Variants in DSCAM observed in about 807,000 individuals in gnomAD.
The protein encoded by DSCAM is cell adhesion molecule DSCAM.
In DSCAM, 47 loss-of-function variants were observed where a neutral mutation model predicts 217.7. The ratio of observed to expected loss-of-function variants is 0.22; its 90% CI spans 0.17 to 0.28. The LOEUF is 0.28. Among genes scored for constraint, DSCAM ranks in the 10% least tolerant of loss-of-function variants. DSCAM has a pLI of 1.00. For synonymous variants in DSCAM, 1,056 were observed against 1,015.3 expected (o/e 1.04, Z -0.76); for missense variants, 2,080 against 2,618.3 (o/e 0.79, Z 4.49).
chr21:40,048,345 C>G (rs1021377972), intron 30 of DSCAM, among the ~76,000 whole-genome samples: 20 of 128,224 alleles, frequency 1.6e-4, no homozygotes, highest in African/African-American at 5.9e-4. Context: ...CACTACATGC[C>G]TGTGTCAGAC....
At chr21:40,018,479 A>G (rs188011712) in intron 32 of DSCAM, among the ~76,000 whole-genome samples, 4 of 152,232 alleles carry the variant, frequency 2.6e-5, no homozygotes, top group Admixed American at 2.6e-4. Flanking sequence ...TCTTTCTGAG[A>G]CCCGACTCAA....
chr21:40,507,017 G>C (rs78007511), intron 3 of DSCAM, among the ~76,000 whole-genome samples: 5 of 152,186 alleles, frequency 3.3e-5, no homozygotes, highest in Non-Finnish European at 5.9e-5. Flanking sequence ...AGCGGCTCAC[G>C]CCTGTAATCC....
At chr21:40,362,691 C>G (rs371647565) in intron 4 of DSCAM, among the ~76,000 whole-genome samples, 1 of 152,216 alleles carries the variant, frequency 6.6e-6, no homozygotes, top group East Asian at 1.9e-4. Context: ...ATAGGAAAGA[C>G]AATACATTTA....
At chr21:40,097,492 C>T (rs1003894520) in intron 20 of DSCAM, among the ~76,000 whole-genome samples, 1 of 152,084 alleles carries the variant, frequency 6.6e-6, no homozygotes, top group Non-Finnish European at 1.5e-5. Flanking sequence ...AGTAGCACAA[C>T]AGCAGCAGAA....
intron 3 of DSCAM, among the ~76,000 whole-genome samples, chr21:40,506,309 T>G (rs1418850009): frequency 6.6e-6 from 1 of 152,164 alleles, no homozygotes; most frequent in Non-Finnish European, 1.5e-5. Context: ...AATCTTCAAT[T>G]TGAAAGGTTA....
chr21:40,347,575 G>A, intron 6 of DSCAM, 95 bp downstream of exon 6: 3 of 1,529,680 alleles, frequency 2.0e-6, no homozygotes, highest in Non-Finnish European at 2.7e-6. Context: ...GCCTAGAACT[G>A]AGCGATCAGC....
chr21:40,396,629 A>T (rs1179045254), intron 3 of DSCAM, among the ~76,000 whole-genome samples: 2 of 151,986 alleles, frequency 1.3e-5, no homozygotes, highest in African/African-American at 4.8e-5. Flanking sequence ...GGCCCCTAAA[A>T]CACTGCTACC....
chr21:40,525,009 C>CAAAAAAAAA (rs58427418), intron 3 of DSCAM, among the ~76,000 whole-genome samples: 738 of 56,012 alleles, frequency 0.013, 46 homozygotes, highest in African/African-American at 0.029. Context: ...GACTCAGTCT[C>CAAAAAAAAA]AAAAAAAAAA....
At chr21:40,731,071 T>C (rs1042996937) in intron 1 of DSCAM, among the ~76,000 whole-genome samples, 4 of 152,188 alleles carry the variant, frequency 2.6e-5, no homozygotes, top group African/African-American at 9.7e-5. Context: ...AACTAGAATG[T>C]CAGAGGCAAC....
chr21:40,038,024 G>A (rs2088661957), intron 32 of DSCAM, among the ~76,000 whole-genome samples: 1 of 148,842 alleles, frequency 6.7e-6, no homozygotes, highest in African/African-American at 2.5e-5. Flanking sequence ...ATTCAAGATG[G>A]ATTAAAGACT....
At chr21:40,411,267 G>C (rs983173439) in intron 3 of DSCAM, among the ~76,000 whole-genome samples, 1 of 151,208 alleles carries the variant, frequency 6.6e-6, no homozygotes, top group South Asian at 2.1e-4. Flanking sequence ...AACAACAAAA[G>C]AGGGGCAGAA....
rs145536173 is a variant in DSCAM, at chr21:40,559,229, C to T, written c.508+133581G>A. On this transcript the variant is annotated intron_variant, in intron 3 of 32. Transcript: ENST00000400454. ...ATCCCAGACCTTTGGGAGGCTGAGG[C>T]GGGAGGATCACGAGGGCAGGAGATT... Among the ~76,000 whole-genome samples the T allele has an allele frequency of 3.1e-3, 471 of 152,124 alleles. 11 individuals are homozygous for T. In the East Asian group the frequency reaches 0.074, roughly 24 times the overall value.
At chr21:40,108,398 C>A (rs2089849452) in intron 20 of DSCAM, among the ~76,000 whole-genome samples, 1 of 152,146 alleles carries the variant, frequency 6.6e-6, no homozygotes, top group African/African-American at 2.4e-5. Context: ...AACTCCCATT[C>A]ACAACTGCCA....
Position 40,078,878 on chromosome 21 carries a change from G to A in DSCAM, c.4520C>T (p.Thr1507Ile), listed in dbSNP as rs181031846. 72 of 1,614,238 alleles carry A rather than the reference G, an allele frequency of 4.5e-5. No individual in the cohort carries two copies. The African/African-American group carries it at 7.6e-4, about 17-fold the overall frequency. Residue 1507 changes from threonine (T) to isoleucine (I), a missense_variant, in exon 26 of 33, where the codon ACC (threonine) becomes ATC (isoleucine). By Grantham distance (89) the Thr-to-Ile change is moderately conservative. This residue lies in a region of DSCAM where 1,144 missense variants were observed against 1,421.1 expected (regional missense o/e 0.81). Transcript: ENST00000400454. Reference protein sequence around the residue: ...IGWNDGGCPITSFTLEYRPFG... With the variant: ...IGWNDGGCPIISFTLEYRPFG... ...GGGCCTGTACTCTAGTGTGAAGGAGGTGATGGGGCAGCCGCCATCATTCCA... is the reference window on the plus strand; with the variant it reads ...GGGCCTGTACTCTAGTGTGAAGGAGATGATGGGGCAGCCGCCATCATTCCA...
At chr21:40,574,960 A>G (rs2076837069) in intron 3 of DSCAM, among the ~76,000 whole-genome samples, 1 of 152,140 alleles carries the variant, frequency 6.6e-6, no homozygotes, top group Admixed American at 6.5e-5. Flanking sequence ...TAGAACAACC[A>G]TATTGTCAGG....
chr21:40,607,584 G>A (rs756955643), intron 3 of DSCAM, among the ~76,000 whole-genome samples: 12 of 152,004 alleles, frequency 7.9e-5, no homozygotes, highest in South Asian at 2.1e-4. Context: ...GGAGGGGCCC[G>A]GTGGGAGGTA....
intron 11 of DSCAM, among the ~76,000 whole-genome samples, chr21:40,220,386 C>A (rs916060432): frequency 6.6e-6 from 1 of 152,192 alleles, no homozygotes; most frequent in Non-Finnish European, 1.5e-5. Flanking sequence ...ACAGAATGGA[C>A]TGTACAACAA....
At chr21:40,559,926 G>A (rs2146181394) in intron 3 of DSCAM, among the ~76,000 whole-genome samples, 1 of 151,878 alleles carries the variant, frequency 6.6e-6, no homozygotes, top group Non-Finnish European at 1.5e-5. Flanking sequence ...CCGAGTAGCT[G>A]GGGCTACAGG....
intron 20 of DSCAM, among the ~76,000 whole-genome samples, chr21:40,096,627 T>C (rs191926858): frequency 4.1e-4 from 63 of 152,128 alleles, no homozygotes; most frequent in African/African-American, 1.3e-3. Flanking sequence ...AAAATAGTGG[T>C]TGAAAAATTT....
Sources: gnomAD v4.1 joint callset for allele counts (sites outside exome capture counted in the v4.1 genomes callset) on GRCh38, gnomAD v4.1.1 for gene constraint, gnomAD v4.1.1 regional missense constraint, MANE v1.5 for transcripts, NCBI Gene and HGNC (gene_info 2026-07-23, HGNC 2026-07-21) for gene names.